DCDC1: variants seen among roughly 807,000 people sequenced by gnomAD.
DCDC1 encodes the protein doublecortin domain-containing protein 1.
Under a neutral mutation model 178.3 loss-of-function variants are expected in DCDC1, and 200 were observed. The ratio of observed to expected loss-of-function variants is 1.12; its 90% CI spans 1.00 to 1.26. The LOEUF (loss-of-function observed/expected upper bound fraction) is 1.26, where lower values mean the gene tolerates loss of function less well. Ranked by LOEUF, DCDC1 falls within the 50% of genes most tolerant of loss-of-function variation. DCDC1 has a pLI of 0.00. For missense variants in DCDC1, 1,983 were observed against 1,749.2 expected (o/e 1.13, Z -2.38); for synonymous variants, 690 against 604.8 (o/e 1.14, Z -2.07).
intron 9 of DCDC1, among the ~76,000 whole-genome samples, chr11:31,141,821 G>C (rs1565339375): frequency 6.6e-6 from 1 of 152,178 alleles, no homozygotes; most frequent in African/African-American, 2.4e-5. Context: ...AGAACAAATG[G>C]AGAAGAAGTA....
intron 9 of DCDC1, among the ~76,000 whole-genome samples, chr11:31,192,247 C>A (rs1209424074): frequency 6.6e-6 from 1 of 152,086 alleles, no homozygotes; most frequent in Non-Finnish European, 1.5e-5. Context: ...TTATCCACTC[C>A]TGTATTGACA....
In DCDC1 at chr11:30,903,689, T is replaced by C. The variant is rs767807076; in HGVS notation, c.4309-6A>G. ...TCCGTGCATTCTGTAAGAAGCTAGATAACACAGGCAGTAAGGATCTGACAG... is the reference window on the plus strand; with the variant it reads ...TCCGTGCATTCTGTAAGAAGCTAGACAACACAGGCAGTAAGGATCTGACAG... On this transcript the variant is annotated splice_region_variant and splice_polypyrimidine_tract_variant and intron_variant, in intron 31 of 38. Transcript: ENST00000684477. 8.2e-6 allele frequency: 13 copies of C among 1,588,876 alleles called. No homozygotes were observed. The highest frequency in any genetic ancestry group is 4.0e-5 in the African/African-American group (3 of 74,416).
At chr11:31,253,795 T>C (rs1944232096) in intron 8 of DCDC1, among the ~76,000 whole-genome samples, 1 of 152,150 alleles carries the variant, frequency 6.6e-6, no homozygotes, top group Non-Finnish European at 1.5e-5. Flanking sequence ...ATACCAATTT[T>C]AGAAAAGAGA....
chr11:31,157,052 A>G (rs979533828), intron 9 of DCDC1, among the ~76,000 whole-genome samples: 8 of 152,248 alleles, frequency 5.3e-5, no homozygotes, highest in Middle Eastern at 3.4e-3. Flanking sequence ...AGATTTTTCA[A>G]TAGTATTTTA....
chr11:31,077,939 G>A lies in DCDC1; in HGVS notation c.2238-14C>T. 1 of 765,652 alleles carries A rather than the reference G, an allele frequency of 1.3e-6. No homozygotes were observed. The highest frequency in any genetic ancestry group is 2.4e-5 in the East Asian group (1 of 41,200). 47.4% of individuals were successfully genotyped at this position (765,652 alleles called of 1,614,324 possible). On this transcript the variant is annotated splice_polypyrimidine_tract_variant and intron_variant, in intron 17 of 38. Transcript: ENST00000684477. ...TCTCCACTATGTCTGTAACGAAAAT[G>A]TAATTTAGAGATTGACATCTTCTCT...
At chr11:30,987,671 G>A (rs1358734766) in intron 20 of DCDC1, among the ~76,000 whole-genome samples, 3 of 152,172 alleles carry the variant, frequency 2.0e-5, no homozygotes, top group Admixed American at 1.3e-4. Context: ...GGGGCCAGAG[G>A]AACAGCTGGT....
In DCDC1 at chr11:30,952,567, A is replaced by G. The variant is rs760467730; in HGVS notation, c.2593T>C (p.Trp865Arg). Reference sequence around the variant, plus strand: ...CTGGTTCCTTCATGTTTTATGGCCCACCTAAAACAAAAGATAAAAAACAAA... The same window carrying G: ...CTGGTTCCTTCATGTTTTATGGCCCGCCTAAAACAAAAGATAAAAAACAAA... ...EKHPKASAQRWAIKHEGTSKP... is the reference protein window; with the variant it reads ...EKHPKASAQRRAIKHEGTSKP... The change falls in exon 21 of 39, where the codon TGG (tryptophan) becomes CGG (arginine). Residue 865 changes from tryptophan to arginine, a missense_variant and splice_region_variant. Transcript: ENST00000684477. 7.8e-7 allele frequency: 1 copy of G among 1,283,036 alleles called. No homozygotes were observed. Among genetic ancestry groups the G allele is most frequent in the Non-Finnish European group, 1.1e-6 (1 of 916,114 alleles). 79.5% of individuals were successfully genotyped at this position (1,283,036 alleles called of 1,614,324 possible).
intron 10 of DCDC1, among the ~76,000 whole-genome samples, chr11:31,134,445 T>C (rs1962871237): frequency 6.6e-6 from 1 of 152,134 alleles, no homozygotes; most frequent in Admixed American, 6.5e-5. Context: ...CCACCAACAG[T>C]TTTGCCAAAT....
chr11:31,132,269 G>A (rs1962536469), intron 10 of DCDC1, among the ~76,000 whole-genome samples: 1 of 152,086 alleles, frequency 6.6e-6, no homozygotes, highest in Non-Finnish European at 1.5e-5. Flanking sequence ...CAAACTTGAT[G>A]TTACTTTACA....
intron 18 of DCDC1, among the ~76,000 whole-genome samples, chr11:31,073,326 CAAAA>C (rs1264018873): frequency 6.6e-6 from 1 of 151,488 alleles, no homozygotes; most frequent in Non-Finnish European, 1.5e-5. Flanking sequence ...TAAAATGAGA[CAAAA>C]AGAAAGGTAA....
Position 31,225,204 on chromosome 11 carries a change from T to C in DCDC1, c.1221+16246A>G, listed in dbSNP as rs77642783. On this transcript the variant is annotated intron_variant, in intron 9 of 38. Transcript: ENST00000684477. ...CATAAAATGGAATGAAATAATGGCC[T>C]TTGCAGCAACTTGAATGGAGCTGGA... 7.7e-3 allele frequency among the ~76,000 whole-genome samples: 1,169 copies of C among 152,196 alleles called. 13 individuals carry two copies. The highest frequency in any genetic ancestry group is 0.027 in the African/African-American group (1,116 of 41,538).
In DCDC1 at chr11:31,334,845, G is replaced by C. The variant is rs138255974; in HGVS notation, c.-7+602C>G. 7.7e-3 allele frequency among the ~76,000 whole-genome samples: 1,179 copies of C among 152,290 alleles called. 35 individuals carry two copies. Among genetic ancestry groups the C allele is most frequent in the Admixed American group, 0.064 (976 of 15,300 alleles). ...CTGCTGGGAAGTGTCTCCCAGTTAGGGTACAAGGGGGTCAGGGACCCACTG... is the reference window on the plus strand; with the variant it reads ...CTGCTGGGAAGTGTCTCCCAGTTAGCGTACAAGGGGGTCAGGGACCCACTG... On this transcript the variant is annotated intron_variant, in intron 2 of 38. Transcript: ENST00000684477.
chr11:30,996,338 G>A (rs1258769299), intron 20 of DCDC1, among the ~76,000 whole-genome samples: 1 of 152,142 alleles, frequency 6.6e-6, no homozygotes, highest in Non-Finnish European at 1.5e-5. Flanking sequence ...CATTTTTGAT[G>A]AGAATATAAA....
At chr11:31,231,889 T>C (rs1194621739) in intron 9 of DCDC1, among the ~76,000 whole-genome samples, 2 of 152,354 alleles carry the variant, frequency 1.3e-5, no homozygotes, top group East Asian at 3.9e-4. Context: ...TGGCATGTCT[T>C]GTATGCTGTG....
intron 20 of DCDC1, among the ~76,000 whole-genome samples, chr11:31,056,185 A>T (rs1475975905): frequency 6.6e-6 from 1 of 152,092 alleles, no homozygotes; most frequent in East Asian, 1.9e-4. Context: ...CAGTCACTAA[A>T]AATAATAATA....
chr11:30,963,195 G>A (rs1377562299), intron 20 of DCDC1, among the ~76,000 whole-genome samples: 1 of 152,128 alleles, frequency 6.6e-6, no homozygotes, highest in Non-Finnish European at 1.5e-5. Flanking sequence ...AGAAGTTCGT[G>A]CCATTTCAAG....
chr11:30,998,060 G>A (rs868371173), intron 20 of DCDC1, among the ~76,000 whole-genome samples: 99 of 152,190 alleles, frequency 6.5e-4, no homozygotes, highest in African/African-American at 2.3e-3. Context: ...TTGGAAGGTC[G>A]AGGCAGGAGG....
At chr11:31,153,763 A>G (rs1309353719) in intron 9 of DCDC1, among the ~76,000 whole-genome samples, 1 of 142,508 alleles carries the variant, frequency 7.0e-6, no homozygotes, top group Non-Finnish European at 1.5e-5. Context: ...AGCCTGGGCG[A>G]TAGAGCCAGA....
chr11:31,201,505 C>G (rs1971279008), intron 9 of DCDC1, among the ~76,000 whole-genome samples: 1 of 151,882 alleles, frequency 6.6e-6, no homozygotes, highest in Non-Finnish European at 1.5e-5. Flanking sequence ...TTCACAATTA[C>G]CACCTGTACT....
Sources: allele counts gnomAD v4.1 joint callset (sites outside exome capture counted in the v4.1 genomes callset), GRCh38; gene constraint gnomAD v4.1.1; transcripts MANE v1.5; gene names NCBI Gene and HGNC (gene_info 2026-07-23, HGNC 2026-07-21).